SCNN1B: variants seen among roughly 807,000 people sequenced by gnomAD.
The protein encoded by SCNN1B is sodium channel epithelial 1 subunit beta, also known as epithelial sodium channel subunit beta.
Under a neutral mutation model 65.3 loss-of-function variants are expected in SCNN1B, and 46 were observed. That is an observed-to-expected ratio of 0.70 (90% CI 0.56 to 0.90). SCNN1B has a LOEUF of 0.90. SCNN1B is among the 40% of genes least tolerant of loss of function. The pLI is 0.00. For synonymous variants in SCNN1B, 349 were observed against 330.6 expected, an observed-to-expected ratio of 1.06 and a Z score of -0.60; for missense variants, 751 against 830.5, an observed-to-expected ratio of 0.90 and a Z score of 1.18.
intron 1 of SCNN1B, among the ~76,000 whole-genome samples, chr16:23,307,922 G>A (rs543486827): frequency 2.0e-5 from 3 of 152,300 alleles, no homozygotes; most frequent in African/African-American, 7.2e-5. Flanking sequence ...GCACATGCCC[G>A]TAGTCCCAGC....
chr16:23,375,441 C>A (rs941485513), intron 7 of SCNN1B, among the ~76,000 whole-genome samples: 2 of 152,138 alleles, frequency 1.3e-5, no homozygotes, highest in Non-Finnish European at 2.9e-5. Context: ...CCGCTCTTCC[C>A]CATGTTGAAG....
intron 1 of SCNN1B, among the ~76,000 whole-genome samples, chr16:23,347,982 T>G (rs1338130829): frequency 6.6e-6 from 1 of 152,182 alleles, no homozygotes; most frequent in Non-Finnish European, 1.5e-5. Flanking sequence ...CAGTTCAAGG[T>G]CACAGTGGCC....
intron 1 of SCNN1B, among the ~76,000 whole-genome samples, chr16:23,316,189 C>T (rs932870489): frequency 7.3e-5 from 11 of 151,088 alleles, no homozygotes; most frequent in African/African-American, 1.7e-4. Context: ...CCACCATCAT[C>T]CCCATCATCA....
intron 4 of SCNN1B, among the ~76,000 whole-genome samples, chr16:23,356,998 C>G (rs931479474): frequency 6.6e-6 from 1 of 152,234 alleles, no homozygotes. Flanking sequence ...GGCCTCCTGA[C>G]CCAGCCTCCA....
In SCNN1B at chr16:23,352,817, C is replaced by G; in HGVS notation, c.328C>G (p.His110Asp). The G allele has an allele frequency of 6.2e-7, 1 of 1,614,142 alleles. No individual in the cohort carries two copies. The highest frequency in any genetic ancestry group is 1.3e-5 in the African/African-American group (1 of 75,010). Residue 110 changes from histidine to aspartate, a missense_variant, in exon 3 of 13, where the codon CAT becomes GAT. Physicochemically the swap from His to Asp is moderately conservative, Grantham distance 81 (BLOSUM62 -1). Transcript: ENST00000343070. ...ASPFKYSKIK[H>D]LLKDLDELME... ...CCCATCCAGGTATTCCAAAATCAAG[C>G]ATTTGCTGAAGGACCTGGATGAGCT...
chr16:23,326,018 T>G (rs1961689206), intron 1 of SCNN1B, among the ~76,000 whole-genome samples: 1 of 151,926 alleles, frequency 6.6e-6, no homozygotes, highest in South Asian at 2.1e-4. Context: ...GAGGCTGCAG[T>G]GAGCTATGAT....
chr16:23,350,562 C>A (rs1390911525), intron 2 of SCNN1B, among the ~76,000 whole-genome samples: 1 of 152,160 alleles, frequency 6.6e-6, no homozygotes, highest in Non-Finnish European at 1.5e-5. Context: ...TGGTGAGATG[C>A]TTGGTGCATT....
intron 2 of SCNN1B, among the ~76,000 whole-genome samples, chr16:23,285,618 G>A (rs11863147): frequency 0.14 from 20,913 of 151,928 alleles, 1,584 homozygotes; most frequent in East Asian, 0.28. Context: ...GACTCTATCT[G>A]TACAGAAAAT....
At chr16:23,319,801 T>G (rs1050857590) in intron 1 of SCNN1B, among the ~76,000 whole-genome samples, 1 of 152,022 alleles carries the variant, frequency 6.6e-6, no homozygotes, top group African/African-American at 2.4e-5. Flanking sequence ...AGGGTCTTGC[T>G]CTGTCGCCCA....
At chr16:23,379,076 C>CCCACGCAG (rs1310655201) in intron 11 of SCNN1B, among the ~76,000 whole-genome samples, 15 of 144,554 alleles carry the variant, frequency 1.0e-4, no homozygotes, top group African/African-American at 3.9e-4. Context: ...CATTCTCCCA[C>CCCACGCAG]CCAGCCATCC....
chr16:23,335,950 C>A (rs1038555230), intron 1 of SCNN1B, among the ~76,000 whole-genome samples: 31 of 152,250 alleles, frequency 2.0e-4, no homozygotes, highest in African/African-American at 7.2e-4. Flanking sequence ...TGGGAGCACC[C>A]CTAGATGTCA....
intron 2 of SCNN1B, among the ~76,000 whole-genome samples, chr16:23,295,925 G>A (rs1027938534): frequency 2.0e-5 from 3 of 152,148 alleles, no homozygotes; most frequent in South Asian, 2.1e-4. Flanking sequence ...TAGTCTGAGC[G>A]AGCGGGAAGA....
intron 4 of SCNN1B, among the ~76,000 whole-genome samples, chr16:23,365,472 G>T (rs1962631308): frequency 7.7e-6 from 1 of 130,152 alleles, no homozygotes; most frequent in South Asian, 2.5e-4. Flanking sequence ...AGAAAGAAAA[G>T]AGAGAAAGAA....
At chr16:23,353,304 T>A in intron 3 of SCNN1B, 1 of 584,504 alleles carries the variant, frequency 1.7e-6, no homozygotes, top group Non-Finnish European at 3.0e-6. Context: ...AACAGGCGAT[T>A]CATTGGCTCA....
chr16:23,379,976 G>A, intron 11 of SCNN1B, 118 bp from the exon 12 acceptor site: 2 of 811,832 alleles, frequency 2.5e-6, no homozygotes, highest in Non-Finnish European at 4.4e-6. Flanking sequence ...ACATGTGTGT[G>A]CATACATGTG....
chr16:23,333,334 G>A (rs948841937), intron 1 of SCNN1B, among the ~76,000 whole-genome samples: 6 of 152,146 alleles, frequency 3.9e-5, no homozygotes, highest in Non-Finnish European at 5.9e-5. Flanking sequence ...TGAGGAATTC[G>A]GGACAACTAG....
At chr16:23,331,325 CT>C (rs112461468) in intron 1 of SCNN1B, among the ~76,000 whole-genome samples, 6,303 of 138,042 alleles carry the variant, frequency 0.046, 362 homozygotes, top group African/African-American at 0.15. Context: ...TTCCTAGTCA[CT>C]TTTTTTTTTT....
Position 23,371,450 on chromosome 16 carries a change from CGG to C in SCNN1B, c.1035_1036del (p.Val346ThrfsTer21), listed in dbSNP as rs1962782122. On this transcript the variant is annotated frameshift_variant, in exon 6 of 13. Transcript: ENST00000343070. LOFTEE classifies it high-confidence loss of function. ...CCATGTCGGGGACAGAGACGTCCATCGGGGTACTCGTGGTATGGCCGGAGCCC... is the reference window on the plus strand; with the variant it reads ...CCATGTCGGGGACAGAGACGTCCATCGGTACTCGTGGTATGGCCGGAGCCC... ...YAMSGTETSIGVLVDKLQRMG... is the reference protein window; with the variant it reads ...YAMSGTETSIXVLVDKLQRMG... 6.2e-7 allele frequency: 1 copy of C among 1,613,838 alleles called. No homozygotes were observed. Among genetic ancestry groups the C allele is most frequent in the Non-Finnish European group, 8.5e-7 (1 of 1,179,988 alleles).
intron 1 of SCNN1B, among the ~76,000 whole-genome samples, chr16:23,278,957 AAAT>A (rs1467772057): frequency 6.6e-6 from 1 of 151,908 alleles, no homozygotes; most frequent in Admixed American, 6.6e-5. Flanking sequence ...ATAAAAAATG[AAAT>A]GAAATGGCTA....
Sources: gnomAD v4.1 joint callset for allele counts (sites outside exome capture counted in the v4.1 genomes callset) on GRCh38, gnomAD v4.1.1 for gene constraint, MANE v1.5 for transcripts, NCBI Gene and HGNC (gene_info 2026-07-23, HGNC 2026-07-21) for gene names.